Variants in FMN2 observed in about 807,000 individuals in gnomAD.
FMN2 encodes formin 2.
Under a neutral mutation model 142.3 loss-of-function variants are expected in FMN2, and 51 were observed. That is an observed-to-expected ratio of 0.36 (90% CI 0.29 to 0.45). The LOEUF (loss-of-function observed/expected upper bound fraction) is 0.45, where lower values mean the gene tolerates loss of function less well. Among genes scored for constraint, FMN2 ranks in the 20% least tolerant of loss-of-function variants. The probability of loss-of-function intolerance (pLI) is 1.00; values close to 1 mark genes in which losing one functional copy is unlikely to be tolerated. For synonymous variants in FMN2, 882 were observed against 869.8 expected (o/e 1.01, Z -0.25); for missense variants, 1,936 against 2,122.8 (o/e 0.91, Z 1.73).
At chr1:240,188,652 A>G (rs1665579224) in intron 4 of FMN2, among the ~76,000 whole-genome samples, 1 of 152,202 alleles carries the variant, frequency 6.6e-6, no homozygotes. Context: ...AAAGTCAAAT[A>G]AGGTTCTTAT....
intron 6 of FMN2, among the ~76,000 whole-genome samples, chr1:240,228,332 AGAAAAAG>A (rs1667409958): frequency 6.0e-5 from 4 of 67,134 alleles, no homozygotes; most frequent in African/African-American, 2.5e-4. Flanking sequence ...AAAAAAAAAA[AGAAAAAG>A]AAAAAGAAAA....
chr1:240,170,775 A>C, intron 2 of FMN2: 3 of 1,187,994 alleles, frequency 2.5e-6, no homozygotes, highest in Non-Finnish European at 3.8e-6. Context: ...GCCTGGGAGG[A>C]GTTGGATTGA....
chr1:240,287,858 C>G (rs10926197), intron 7 of FMN2, among the ~76,000 whole-genome samples: 3 of 152,162 alleles, frequency 2.0e-5, no homozygotes, highest in African/African-American at 7.2e-5. Context: ...AGATGAGGAA[C>G]TTGAGACTCT....
At chr1:240,209,767 G>C (rs1236861581) in intron 5 of FMN2, among the ~76,000 whole-genome samples, 1 of 151,716 alleles carries the variant, frequency 6.6e-6, no homozygotes, top group South Asian at 2.1e-4. Flanking sequence ...AGCCGGGCGA[G>C]GTGGCGGGCG....
At chr1:240,175,637 A>G (rs1243210587) in intron 2 of FMN2, among the ~76,000 whole-genome samples, 1 of 151,800 alleles carries the variant, frequency 6.6e-6, no homozygotes, top group Non-Finnish European at 1.5e-5. Flanking sequence ...GTGTGCCACT[A>G]TACCTGGCTA....
chr1:240,437,433 C>T lies in FMN2; in HGVS notation c.4911-628C>T, dbSNP rs1393125663. Among the ~76,000 whole-genome samples the T allele has an allele frequency of 2.0e-5, 3 of 151,836 alleles. No individual in the cohort carries two copies. In the East Asian group the frequency reaches 5.9e-4, roughly 30 times the overall value. On this transcript the variant is annotated intron_variant, in intron 15 of 17. Transcript: ENST00000319653. ...CTCTCAGCCTCCCAAGTAGCTGGGA[C>T]TACAGGTGCCCACCACCATGCCCGG...
intron 16 of FMN2, among the ~76,000 whole-genome samples, chr1:240,467,613 C>G (rs1676666773): frequency 6.6e-6 from 1 of 152,096 alleles, no homozygotes; most frequent in African/African-American, 2.4e-5. Context: ...TCAAGAAAGA[C>G]TATTCAAAAT....
chr1:240,333,538 T>C (rs531926280), intron 11 of FMN2, among the ~76,000 whole-genome samples: 8 of 152,136 alleles, frequency 5.3e-5, no homozygotes, highest in Non-Finnish European at 1.2e-4. Context: ...AATATAGTAG[T>C]TTTAAAACAT....
At chr1:240,358,606 ATCT>A (rs140043883) in intron 14 of FMN2, among the ~76,000 whole-genome samples, 21,130 of 152,122 alleles carry the variant, frequency 0.14, 1,580 homozygotes, top group African/African-American at 0.18. Context: ...GAAGCAAGGC[ATCT>A]TCTTTACAAG....
chr1:240,468,206 A>ATATGTGTGTGTGTGTGTGTG lies in FMN2; in HGVS notation c.5061-4165_5061-4164insATGTGTGTGTGTGTGTGTGT, dbSNP rs374934885. ...AATGCATCCACTAAAATATATATAT[A>ATATGTGTGTGTGTGTGTGTG]TGTGTGTGTGTGTGTGTGTGTGTGT... On this transcript the variant is annotated intron_variant, in intron 16 of 17. Coordinates refer to ENST00000319653, the MANE Select transcript of FMN2 (RefSeq NM_020066.5). Among the ~76,000 whole-genome samples, 29 of 147,970 alleles carry ATATGTGTGTGTGTGTGTGTG rather than the reference A, an allele frequency of 2.0e-4. No individual in the cohort carries two copies. The South Asian group carries it at 4.2e-3, about 21-fold the overall frequency.
intron 15 of FMN2, among the ~76,000 whole-genome samples, chr1:240,422,889 T>C (rs1474386340): frequency 6.6e-6 from 1 of 152,192 alleles, no homozygotes; most frequent in Non-Finnish European, 1.5e-5. Flanking sequence ...TACCTGAAAA[T>C]GTGTCACTTA....
chr1:240,409,153 A>T (rs898635944), intron 15 of FMN2, among the ~76,000 whole-genome samples: 7 of 151,570 alleles, frequency 4.6e-5, no homozygotes, highest in African/African-American at 1.7e-4. Context: ...TTTACTTTTT[A>T]TTTTTTTGAG....
chr1:240,299,420 T>A (rs1449638148), intron 8 of FMN2, among the ~76,000 whole-genome samples: 1 of 152,232 alleles, frequency 6.6e-6, no homozygotes, highest in Non-Finnish European at 1.5e-5. Context: ...CTGCTTTTTT[T>A]AAACATCAGT....
At chr1:240,239,224 C>G (rs1210654054) in intron 6 of FMN2, among the ~76,000 whole-genome samples, 2 of 152,144 alleles carry the variant, frequency 1.3e-5, no homozygotes, top group Non-Finnish European at 2.9e-5. Context: ...TTGAAGATGT[C>G]TTCAGGGATA....
intron 7 of FMN2, among the ~76,000 whole-genome samples, chr1:240,287,722 A>C (rs1669639230): frequency 6.6e-6 from 1 of 152,252 alleles, no homozygotes. Context: ...GGGCCGTAAT[A>C]ATAATCACAA....
chr1:240,294,883 TGTGA>T lies in FMN2; in HGVS notation c.4215+3_4215+6del. On this transcript the variant is annotated splice_donor_variant and splice_donor_region_variant and intron_variant, in intron 8 of 17. Coordinates refer to ENST00000319653, the MANE Select transcript of FMN2 (RefSeq NM_020066.5). LOFTEE classifies it high-confidence loss of function. ...AGACCCTTCAAGCTCTCTATGAGAA[TGTGA>T]GTAATAGAAGGAATTTTATGTGTGA... The T allele has an allele frequency of 6.2e-7, 1 of 1,613,226 alleles. No homozygotes were observed.
intron 14 of FMN2, among the ~76,000 whole-genome samples, chr1:240,362,446 G>A (rs561809608): frequency 1.2e-4 from 19 of 152,200 alleles, no homozygotes; most frequent in African/African-American, 4.6e-4. Flanking sequence ...AGAAAGATGA[G>A]ATAAATGTGA....
intron 6 of FMN2, among the ~76,000 whole-genome samples, chr1:240,232,537 C>A (rs150254639): frequency 6.6e-6 from 1 of 152,316 alleles, no homozygotes; most frequent in African/African-American, 2.4e-5. Flanking sequence ...CTTAACTACA[C>A]TTAACATTTT....
At chr1:240,259,233 T>C (rs1174289877) in intron 7 of FMN2, among the ~76,000 whole-genome samples, 4 of 152,220 alleles carry the variant, frequency 2.6e-5, no homozygotes, top group Non-Finnish European at 5.9e-5. Flanking sequence ...AATAATGATA[T>C]GGTTCTTTCC....
Sources: allele counts gnomAD v4.1 joint callset (sites outside exome capture counted in the v4.1 genomes callset), GRCh38; gene constraint gnomAD v4.1.1; transcripts MANE v1.5; gene names NCBI Gene and HGNC (gene_info 2026-07-23, HGNC 2026-07-21).